Variants in PDE2A observed in about 807,000 individuals in gnomAD.
The protein encoded by PDE2A is cGMP-dependent 3',5'-cyclic phosphodiesterase.
In PDE2A, 53 loss-of-function variants were observed where a neutral mutation model predicts 133.6. The observed-to-expected ratio is 0.40, with a 90% CI of 0.32 to 0.50. The LOEUF (loss-of-function observed/expected upper bound fraction) is 0.50. Ranked by LOEUF, PDE2A falls within the 20% of genes least tolerant of loss-of-function variation. The pLI is 0.73. For synonymous variants in PDE2A, 491 were observed against 490.2 expected (o/e 1.00, Z -0.02); for missense variants, 796 against 1,232.4 (o/e 0.65, Z 5.30).
chr11:72,594,336 T>G (rs1856379480), intron 6 of PDE2A, among the ~76,000 whole-genome samples: 1 of 152,188 alleles, frequency 6.6e-6, no homozygotes, highest in South Asian at 2.1e-4. Flanking sequence ...TTCTGCACCC[T>G]CTGCCCTCAG....
intron 6 of PDE2A, among the ~76,000 whole-genome samples, chr11:72,591,910 T>G (rs570775851): frequency 6.6e-6 from 1 of 152,346 alleles, no homozygotes; most frequent in Admixed American, 6.5e-5. Flanking sequence ...AGCCTCCACC[T>G]GGCAGGCAAG....
intron 2 of PDE2A, 56 bp downstream of exon 2, chr11:72,642,197 GC>G: frequency 7.2e-7 from 1 of 1,389,706 alleles, no homozygotes; most frequent in Non-Finnish European, 9.4e-7. Flanking sequence ...GGCAGACCCG[GC>G]CCGGCGCTCG....
At chr11:72,618,870 AACAT>A (rs68068694) in intron 2 of PDE2A, among the ~76,000 whole-genome samples, 128,765 of 151,848 alleles carry the variant, frequency 0.85, 55,382 homozygotes, top group African/African-American at 0.94. Flanking sequence ...CCCACCTCCC[AACAT>A]AAACAGCCCA....
intron 21 of PDE2A, 21 bp from the exon 22 acceptor site, chr11:72,581,968 T>C (rs975465007): frequency 3.1e-6 from 5 of 1,603,786 alleles, no homozygotes; most frequent in Non-Finnish European, 3.4e-6. Flanking sequence ...CAGAGGGAGG[T>C]ATCAGAGGGG....
chr11:72,612,308 C>G (rs1857247366), intron 2 of PDE2A, among the ~76,000 whole-genome samples: 2 of 138,568 alleles, frequency 1.4e-5, no homozygotes, highest in South Asian at 4.8e-4. Context: ...CACACACACA[C>G]ACACACACAC....
intron 1 of PDE2A, among the ~76,000 whole-genome samples, chr11:72,650,922 C>CACACAT (rs1440720741): frequency 1.5e-5 from 2 of 135,994 alleles, no homozygotes. Context: ...CACACACACA[C>CACACAT]ACACATACAC....
At chr11:72,670,090 T>G in intron 1 of PDE2A, among the ~76,000 whole-genome samples, 1 of 152,138 alleles carries the variant, frequency 6.6e-6, no homozygotes, top group Non-Finnish European at 1.5e-5. Flanking sequence ...ACTCCTATAG[T>G]GCTAAGTGAA....
chr11:72,640,299 A>G (rs1800391485), intron 2 of PDE2A, among the ~76,000 whole-genome samples: 1 of 151,960 alleles, frequency 6.6e-6, no homozygotes, highest in Non-Finnish European at 1.5e-5. Context: ...GATAATGTGC[A>G]CACCTAATGT....
At chr11:72,673,394 T>C (rs1018053500) in intron 1 of PDE2A, among the ~76,000 whole-genome samples, 7 of 106,134 alleles carry the variant, frequency 6.6e-5, no homozygotes, top group African/African-American at 2.1e-4. Context: ...ACATTCCACA[T>C]GTATACACAC....
chr11:72,621,079 T>C (rs189901641), intron 2 of PDE2A, among the ~76,000 whole-genome samples: 2 of 152,232 alleles, frequency 1.3e-5, no homozygotes, highest in East Asian at 3.9e-4. Context: ...AGCTCCCATT[T>C]TATACTTGAG....
At chr11:72,586,252 G>A (rs776092423) in intron 13 of PDE2A, 71 bp from the exon 14 acceptor site, 46 of 932,782 alleles carry the variant, frequency 4.9e-5, no homozygotes, top group Non-Finnish European at 6.5e-5. Flanking sequence ...CCTTACTTCT[G>A]TTCCATCAGA....
At chr11:72,609,574 T>C (rs1857112932) in intron 2 of PDE2A, among the ~76,000 whole-genome samples, 2 of 152,200 alleles carry the variant, frequency 1.3e-5, no homozygotes, top group Admixed American at 1.3e-4. Context: ...GAACTCGTCC[T>C]TGCAGAGCCG....
chr11:72,589,841 C>T (rs1309389764), intron 10 of PDE2A, 49 bp from the exon 11 acceptor site: 23 of 1,609,774 alleles, frequency 1.4e-5, no homozygotes, highest in Non-Finnish European at 2.0e-5. Context: ...CAATGGATTT[C>T]CCCCTCGGAG....
chr11:72,602,857 G>A (rs1856817951), intron 4 of PDE2A, among the ~76,000 whole-genome samples: 1 of 152,192 alleles, frequency 6.6e-6, no homozygotes, highest in Admixed American at 6.5e-5. Context: ...CCATACACCT[G>A]GGTCTCAAGT....
rs570966369 is a variant in PDE2A, at chr11:72,605,031, A to T, written c.323+107T>A. 1.4e-5 allele frequency: 9 copies of T among 623,206 alleles called. No individual in the cohort carries two copies. In the East Asian group the frequency reaches 2.6e-4, roughly 18 times the overall value. 38.6% of individuals were successfully genotyped at this position (623,206 alleles called of 1,614,324 possible). A position where few individuals can be genotyped will look rare whatever the true frequency, so the allele number is the denominator to read the frequency against. ...AATCCCACCTGGCAGGGAGGCGGGG[A>T]TCAATGTTGGAAGGGGAGGGTCAGA... is the stretch of plus-strand genomic sequence containing the variant. On this transcript the variant is annotated intron_variant, in intron 4 of 30. Coordinates refer to ENST00000334456, the MANE Select transcript of PDE2A (RefSeq NM_002599.5).
rs551427603 is a variant in PDE2A, at chr11:72,594,965, C to A, written c.489+1628G>T. Among the ~76,000 whole-genome samples, 8 of 152,204 alleles carry A rather than the reference C, an allele frequency of 5.3e-5. 1 individual carries two copies. Among genetic ancestry groups the A allele is most frequent in the African/African-American group, 1.7e-4 (7 of 41,508 alleles). ...AGAGTCGGCTCCAGCACCCAGCCTG[C>A]CGCAGGACCAGACCAGAGTTCTACT... On this transcript the variant is annotated intron_variant, in intron 6 of 30. Coordinates refer to ENST00000334456, the MANE Select transcript of PDE2A (RefSeq NM_002599.5).
Position 72,586,194 on chromosome 11 carries a change from G to A in PDE2A, c.1071-13C>T, listed in dbSNP as rs1173692750. 6.6e-7 allele frequency: 1 copy of A among 1,508,294 alleles called. No homozygotes were observed. Among genetic ancestry groups the A allele is most frequent in the Non-Finnish European group, 9.2e-7 (1 of 1,087,522 alleles). 93.4% of individuals were successfully genotyped at this position (1,508,294 alleles called of 1,614,324 possible). On this transcript the variant is annotated splice_polypyrimidine_tract_variant and intron_variant, in intron 13 of 30. Coordinates refer to ENST00000334456, the MANE Select transcript of PDE2A (RefSeq NM_002599.5). ...CTCGTCGGTGAACCTGGAGGAGGGG[G>A]TGGGCTCACTCAGGAGGGAAGGGAA...
chr11:72,599,848 C>A (rs551403185), intron 4 of PDE2A, among the ~76,000 whole-genome samples: 1 of 152,328 alleles, frequency 6.6e-6, no homozygotes, highest in East Asian at 1.9e-4. Flanking sequence ...TACAGACCCA[C>A]GCTTCAGTCG....
chr11:72,592,028 C>A (rs1415883643), intron 6 of PDE2A, among the ~76,000 whole-genome samples: 2 of 152,298 alleles, frequency 1.3e-5, no homozygotes, highest in East Asian at 3.9e-4. Flanking sequence ...ACCTTCCCCC[C>A]TCTAGATCCA....
Sources: allele counts gnomAD v4.1 joint callset (sites outside exome capture counted in the v4.1 genomes callset), GRCh38; gene constraint gnomAD v4.1.1; transcripts MANE v1.5; gene names NCBI Gene and HGNC (gene_info 2026-07-23, HGNC 2026-07-21).